Variants in KDSR observed in about 807,000 individuals in gnomAD.
KDSR encodes the protein 3-ketodihydrosphingosine reductase.
Under a neutral mutation model 41.3 loss-of-function variants are expected in KDSR, and 23 were observed. The observed-to-expected ratio is 0.56, with a 90% CI of 0.40 to 0.79. The LOEUF is 0.79. Among genes scored for constraint, KDSR ranks in the 30% least tolerant of loss-of-function variants. KDSR has a pLI of 0.00. For synonymous variants in KDSR, 138 were observed against 151.7 expected, an observed-to-expected ratio of 0.91 and a Z score of 0.66; for missense variants, 351 against 416.8, an observed-to-expected ratio of 0.84 and a Z score of 1.37.
intron 6 of KDSR, among the ~76,000 whole-genome samples, chr18:63,349,672 G>A (rs930207398): frequency 2.0e-5 from 3 of 152,232 alleles, no homozygotes; most frequent in Admixed American, 6.5e-5. Context: ...TGCAACGCTC[G>A]TCCCATATCT....
At chr18:63,359,193 A>AC (rs927100070) in intron 3 of KDSR, among the ~76,000 whole-genome samples, 1 of 150,718 alleles carries the variant, frequency 6.6e-6, no homozygotes, top group African/African-American at 2.4e-5. Flanking sequence ...AAAAAAAAAA[A>AC]AAAAAAAAGG....
chr18:63,361,178 C>G (rs1451068984), intron 2 of KDSR, among the ~76,000 whole-genome samples: 4 of 123,362 alleles, frequency 3.2e-5, no homozygotes, highest in Non-Finnish European at 6.4e-5. Context: ...CCACTGCACA[C>G]CAGCCTGGGT....
chr18:63,341,479 A>G (rs896680477), intron 7 of KDSR, among the ~76,000 whole-genome samples: 1 of 152,080 alleles, frequency 6.6e-6, no homozygotes, highest in Non-Finnish European at 1.5e-5. Flanking sequence ...AGATTAAAAA[A>G]AAAAAGAGAG....
chr18:63,364,364 C>T (rs919508549), intron 1 of KDSR, among the ~76,000 whole-genome samples: 3 of 152,158 alleles, frequency 2.0e-5, no homozygotes, highest in Admixed American at 2.0e-4. Flanking sequence ...TTCTGTTCTC[C>T]ACTATATTCC....
chr18:63,340,065 A>C (rs890446439), intron 7 of KDSR, among the ~76,000 whole-genome samples: 1 of 152,206 alleles, frequency 6.6e-6, no homozygotes, highest in Non-Finnish European at 1.5e-5. Context: ...ATAAGATTCT[A>C]AAGTACTATG....
At chr18:63,365,645 G>A (rs1915114762) in intron 1 of KDSR, among the ~76,000 whole-genome samples, 1 of 152,194 alleles carries the variant, frequency 6.6e-6, no homozygotes, top group Non-Finnish European at 1.5e-5. Context: ...TACAAATAAG[G>A]AATTCCAATT....
rs538627096 is a variant in KDSR at position 63,336,281 on chromosome 18, C to T, written c.778-923G>A. 1.3e-3 allele frequency among the ~76,000 whole-genome samples: 200 copies of T among 152,264 alleles called. 2 individuals carry two copies. The highest frequency in any genetic ancestry group is 6.8e-3 in the Middle Eastern group (2 of 294). On this transcript the variant is annotated intron_variant, in intron 8 of 9. Coordinates refer to ENST00000645214, the MANE Select transcript of KDSR (RefSeq NM_002035.4). ...CTGAGCTCAAGCAATCCAGCCGCCT[C>T]GGCCTCCAAAAGTGCTGGGATTACA...
intron 7 of KDSR, among the ~76,000 whole-genome samples, chr18:63,343,391 AT>A (rs1313755437): frequency 1.3e-3 from 189 of 141,418 alleles, no homozygotes; most frequent in Admixed American, 2.3e-3. Context: ...TTTAATTTTA[AT>A]TTTTTTTTTT....
intron 2 of KDSR, among the ~76,000 whole-genome samples, chr18:63,360,214 A>G (rs955748210): frequency 6.6e-5 from 10 of 152,196 alleles, no homozygotes; most frequent in African/African-American, 2.2e-4. Flanking sequence ...TTTGTCCAAT[A>G]TTTTCTTCTT....
At chr18:63,358,986 C>G (rs1281527807) in intron 3 of KDSR, among the ~76,000 whole-genome samples, 4 of 150,438 alleles carry the variant, frequency 2.7e-5, no homozygotes, top group African/African-American at 9.8e-5. Context: ...GAAGACCAGC[C>G]TGGGCAACAT....
chr18:63,336,582 G>A (rs551735706), intron 8 of KDSR, among the ~76,000 whole-genome samples: 2 of 152,254 alleles, frequency 1.3e-5, no homozygotes, highest in South Asian at 2.1e-4. Flanking sequence ...TGATGAAAGC[G>A]ATTTTTCTGA....
At chr18:63,357,472 TAAAAA>T (rs34264344) in intron 3 of KDSR, among the ~76,000 whole-genome samples, 2 of 137,844 alleles carry the variant, frequency 1.5e-5, no homozygotes, top group African/African-American at 2.7e-5. Flanking sequence ...TACGCAGCAG[TAAAAA>T]AAAAAAAATT....
At position 63,362,087 on chromosome 18, in the gene KDSR, G is replaced by A. The variant is rs571098364; in HGVS notation, c.198+692C>T. Among the ~76,000 whole-genome samples the A allele has an allele frequency of 5.6e-4, 86 of 152,274 alleles. 1 individual carries two copies. The highest frequency in any genetic ancestry group is 2.0e-3 in the African/African-American group (84 of 41,558). On this transcript the variant is annotated intron_variant, in intron 2 of 9. Transcript: ENST00000645214. The stretch of plus-strand genomic sequence containing the variant: ...ACAAACATGTCTGAGCATGTACTAC[G>A]TGTCAAGCACTAGAATTGCTGCAGC...
chr18:63,348,746 C>G (rs1914585792), intron 6 of KDSR, among the ~76,000 whole-genome samples: 1 of 152,102 alleles, frequency 6.6e-6, no homozygotes. Flanking sequence ...GAAGTGAAAC[C>G]AGGCCACCCA....
rs754621278 is a variant in KDSR, at chr18:63,335,381, GAA to G, written c.778-25_778-24del. ...TTGCTAAAAGAGAAGAAAAAGAAGA[GAA>G]AGAGGGAATCCTAGTAATGTGGACA... On this transcript the variant is annotated intron_variant, in intron 8 of 9. Coordinates refer to ENST00000645214, the MANE Select transcript of KDSR (RefSeq NM_002035.4). The G allele has an allele frequency of 4.6e-6, 7 of 1,506,286 alleles. No homozygotes were observed. The East Asian group carries it at 1.4e-4, about 29-fold the overall frequency. 93.3% of individuals were successfully genotyped at this position (1,506,286 alleles called of 1,614,324 possible). A position where few individuals can be genotyped will look rare whatever the true frequency, so the allele number is the denominator to read the frequency against.
intron 1 of KDSR, chr18:63,365,847 T>C (rs1915120134): frequency 6.6e-6 from 1 of 152,186 alleles, no homozygotes; most frequent in East Asian, 1.9e-4. Flanking sequence ...TCTTTCCCCA[T>C]TAGGAACAGG....
intron 4 of KDSR, 27 bp from the exon 5 acceptor site, chr18:63,355,326 T>C (rs745762030): frequency 1.2e-6 from 2 of 1,607,630 alleles, no homozygotes; most frequent in East Asian, 4.5e-5. Context: ...GAGCAGGCAT[T>C]AAGAAACAGA....
At chr18:63,365,720 T>G (rs910259785) in intron 1 of KDSR, among the ~76,000 whole-genome samples, 3 of 152,316 alleles carry the variant, frequency 2.0e-5, no homozygotes, top group East Asian at 1.9e-4. Context: ...TCTGAAAGGA[T>G]CCAAGGTTTA....
In KDSR at chr18:63,328,664, G is replaced by A. The variant is rs1419712563; in HGVS notation, c.*3118C>T. 5.9e-6 allele frequency: 1 copy of A among 169,578 alleles called. No individual in the cohort carries two copies. The highest frequency in any genetic ancestry group is 1.3e-5 in the Non-Finnish European group (1 of 77,948). The allele number at this position is 169,578 out of a possible 1,614,324, so 10.5% of individuals were successfully genotyped here. A position where few individuals can be genotyped will look rare whatever the true frequency, so the allele number is the denominator to read the frequency against. Reference sequence around the variant, plus strand: ...CGTGAGCCACCACGCCCGGCCCAGAGAAAGATTTATAACTAAATATATAGA... The same window carrying A: ...CGTGAGCCACCACGCCCGGCCCAGAAAAAGATTTATAACTAAATATATAGA... On this transcript the variant is annotated 3_prime_UTR_variant, in exon 10 of 10. Transcript: ENST00000645214.
Sources: gnomAD v4.1 joint callset for allele counts (sites outside exome capture counted in the v4.1 genomes callset) on GRCh38, gnomAD v4.1.1 for gene constraint, MANE v1.5 for transcripts, NCBI Gene and HGNC (gene_info 2026-07-23, HGNC 2026-07-21) for gene names.